Variants in CARNMT1 observed in about 807,000 individuals in gnomAD.
The protein encoded by CARNMT1 is carnosine N-methyltransferase 1, also known as protein-L-histidine N-pros-methyltransferase CARNMT1.
Under a neutral mutation model 49.6 loss-of-function variants are expected in CARNMT1, and 28 were observed. The ratio of observed to expected loss-of-function variants is 0.56; its 90% CI spans 0.42 to 0.77. The LOEUF (loss-of-function observed/expected upper bound fraction) is 0.77, where lower values mean the gene tolerates loss of function less well. CARNMT1 is among the 30% of genes least tolerant of loss of function. CARNMT1 has a pLI of 0.00. For synonymous variants in CARNMT1, 178 were observed against 175.0 expected, an observed-to-expected ratio of 1.02 and a Z score of -0.13; for missense variants, 421 against 512.6, an observed-to-expected ratio of 0.82 and a Z score of 1.73.
intron 3 of CARNMT1, among the ~76,000 whole-genome samples, chr9:75,008,605 C>A (rs1053681092): frequency 3.3e-5 from 5 of 152,182 alleles, no homozygotes; most frequent in Non-Finnish European, 5.9e-5. Context: ...CACGCCTGGC[C>A]ACATATGAAT....
intron 1 of CARNMT1, among the ~76,000 whole-genome samples, chr9:75,026,350 T>C (rs1457909080): frequency 1.3e-5 from 2 of 152,192 alleles, no homozygotes; most frequent in Non-Finnish European, 2.9e-5. Flanking sequence ...GGTCCTAATA[T>C]ATTAAAAGTA....
At chr9:75,013,579 A>AG in intron 3 of CARNMT1, among the ~76,000 whole-genome samples, 1 of 152,172 alleles carries the variant, frequency 6.6e-6, no homozygotes, top group East Asian at 1.9e-4. Context: ...TGGGAAAAAA[A>AG]AAAATGACTG....
rs565145959 is a variant in CARNMT1, at chr9:74,981,029, A to C, written c.*2738T>G. ...AACCAAGCAACTATCGTTTCATAGC[A>C]ATTGGCAGACTTTAATATTCAAGAA... On this transcript the variant is annotated 3_prime_UTR_variant, in exon 8 of 8. Coordinates refer to ENST00000376834, the MANE Select transcript of CARNMT1 (RefSeq NM_152420.3). 2 of 152,308 alleles carry C rather than the reference A, an allele frequency of 1.3e-5. No individual in the cohort carries two copies. The highest frequency in any genetic ancestry group is 4.1e-4 in the South Asian group (2 of 4,832). The allele number at this position is 152,308 out of a possible 1,614,324, so 9.4% of individuals were successfully genotyped here. A position where few individuals can be genotyped will look rare whatever the true frequency, so the allele number is the denominator to read the frequency against.
rs563783980 is a variant in CARNMT1 at position 74,985,726 on chromosome 9, C to T, written c.1025-716G>A. Among the ~76,000 whole-genome samples, 27 of 152,228 alleles carry T rather than the reference C, an allele frequency of 1.8e-4. No homozygotes were observed. In the South Asian group the frequency reaches 5.0e-3, roughly 28 times the overall value. ...TCCTGAATAGCTGAGATTACAGGAA[C>T]CTGTCGCCACGCCAGGCTAATTTTT... On this transcript the variant is annotated intron_variant, in intron 6 of 7. Coordinates refer to ENST00000376834, the MANE Select transcript of CARNMT1 (RefSeq NM_152420.3).
chr9:74,988,090 C>CT (rs1007103994), intron 6 of CARNMT1, among the ~76,000 whole-genome samples: 27 of 150,628 alleles, frequency 1.8e-4, no homozygotes, highest in Non-Finnish European at 3.0e-4. Context: ...AATTATTTAA[C>CT]TTTTTTTTTA....
At chr9:75,016,004 A>T (rs1039464946) in intron 3 of CARNMT1, 2 of 284,968 alleles carry the variant, frequency 7.0e-6, no homozygotes, top group African/African-American at 4.4e-5. Context: ...AAATTATAAA[A>T]AGATACACAT....
chr9:75,016,572 C>T lies in CARNMT1; in HGVS notation c.427-141G>A, dbSNP rs922702952. The T allele has an allele frequency of 4.3e-6, 3 of 689,840 alleles. No homozygotes were observed. The African/African-American group carries it at 5.4e-5, about 12-fold the overall frequency. The allele number at this position is 689,840 out of a possible 1,614,324, so 42.7% of individuals were successfully genotyped here. The stretch of plus-strand genomic sequence containing the variant: ...TCTCACCTCAACTGGGGTTCAAGTG[C>T]AGCTTGAGATCCTAAATGAAAAGAG... On this transcript the variant is annotated intron_variant, in intron 2 of 7. Transcript: ENST00000376834.
At chr9:75,010,008 T>A (rs1833637381) in intron 3 of CARNMT1, 1 of 151,834 alleles carries the variant, frequency 6.6e-6, no homozygotes, top group Non-Finnish European at 1.5e-5. Context: ...ACAGAGTATA[T>A]GTGTAGGGGT....
At chr9:75,027,844 G>A (rs1822575799) in intron 1 of CARNMT1, among the ~76,000 whole-genome samples, 168 bp downstream of exon 1, 1 of 152,158 alleles carries the variant, frequency 6.6e-6, no homozygotes, top group African/African-American at 2.4e-5. Context: ...GCCGGGAGGG[G>A]CTGGGGTGGT....
At chr9:75,025,685 ATGTT>A (rs993235023) in intron 1 of CARNMT1, among the ~76,000 whole-genome samples, 5 of 152,148 alleles carry the variant, frequency 3.3e-5, no homozygotes, top group Admixed American at 3.3e-4. Context: ...ATTTTCCAAT[ATGTT>A]TATTTCAAAA....
intron 6 of CARNMT1, among the ~76,000 whole-genome samples, chr9:74,989,910 A>G (rs374369754): frequency 3.3e-4 from 50 of 152,336 alleles, no homozygotes; most frequent in African/African-American, 1.2e-3. Flanking sequence ...CAGTATTTTC[A>G]AATAAAAGAC....
intron 6 of CARNMT1, among the ~76,000 whole-genome samples, chr9:74,989,450 T>C (rs1373538552): frequency 6.6e-6 from 1 of 152,216 alleles, no homozygotes; most frequent in Non-Finnish European, 1.5e-5. Context: ...ATTTATGTTG[T>C]ACAGCCTATT....
intron 2 of CARNMT1, 21 bp downstream of exon 2, chr9:75,017,232 A>C (rs1833880453): frequency 6.3e-7 from 1 of 1,590,258 alleles, no homozygotes; most frequent in Non-Finnish European, 8.6e-7. Flanking sequence ...ATAAACAGAA[A>C]TAGAACAAAC....
chr9:75,022,255 A>T (rs1186089712), intron 1 of CARNMT1, among the ~76,000 whole-genome samples: 1 of 114,390 alleles, frequency 8.7e-6, no homozygotes, highest in Non-Finnish European at 1.6e-5. Context: ...ATGGAGTCTC[A>T]CTCTGTCACC....
chr9:75,009,163 C>T (rs1833611697), intron 3 of CARNMT1, among the ~76,000 whole-genome samples: 1 of 148,190 alleles, frequency 6.7e-6, no homozygotes, highest in East Asian at 2.0e-4. Context: ...TAAAAATTAA[C>T]TCAAAATGGA....
chr9:74,994,904 CT>C (rs1833140828), intron 6 of CARNMT1, among the ~76,000 whole-genome samples: 1 of 152,110 alleles, frequency 6.6e-6, no homozygotes, highest in South Asian at 2.1e-4. Flanking sequence ...AACCAACATG[CT>C]CCATTACTTC....
rs12237306 is a variant in CARNMT1 at position 74,995,477 on chromosome 9, A to G, written c.1024+970T>C. On this transcript the variant is annotated intron_variant, in intron 6 of 7. Coordinates refer to ENST00000376834, the MANE Select transcript of CARNMT1 (RefSeq NM_152420.3). ...GTAACTACTTTTAAAGAAGACTTAC[A>G]GTTTGGGATATTTATTTTATTATGA... 4.6e-5 allele frequency among the ~76,000 whole-genome samples: 7 copies of G among 152,280 alleles called. No homozygotes were observed. The East Asian group carries it at 1.4e-3, about 29-fold the overall frequency.
intron 6 of CARNMT1, among the ~76,000 whole-genome samples, chr9:74,987,029 A>G (rs971777206): frequency 6.6e-6 from 1 of 152,238 alleles, no homozygotes; most frequent in African/African-American, 2.4e-5. Context: ...ATCCTTGTGC[A>G]TATTTTAGAT....
At chr9:74,989,717 A>G (rs183316856) in intron 6 of CARNMT1, among the ~76,000 whole-genome samples, 71 of 152,276 alleles carry the variant, frequency 4.7e-4, no homozygotes, top group Admixed American at 1.4e-3. Context: ...TTTGGGGAAA[A>G]ACACTTCAAC....
Sources: allele counts gnomAD v4.1 joint callset (sites outside exome capture counted in the v4.1 genomes callset), GRCh38; gene constraint gnomAD v4.1.1; transcripts MANE v1.5; gene names NCBI Gene and HGNC (gene_info 2026-07-23, HGNC 2026-07-21).